Variants in GRIK1 observed in about 807,000 individuals in gnomAD.
GRIK1 encodes glutamate receptor ionotropic, kainate 1.
In GRIK1, 69 loss-of-function variants were observed where a neutral mutation model predicts 105.7. That is an observed-to-expected ratio of 0.65 (90% CI 0.54 to 0.80). The LOEUF (loss-of-function observed/expected upper bound fraction) is 0.80, where lower values mean the gene tolerates loss of function less well. GRIK1 is among the 30% of genes least tolerant of loss of function. The pLI, the probability that GRIK1 is intolerant of heterozygous loss-of-function variation, is 0.00. For missense variants in GRIK1, 1,109 were observed against 1,167.3 expected, an observed-to-expected ratio of 0.95 and a Z score of 0.73; for synonymous variants, 438 against 431.3, an observed-to-expected ratio of 1.02 and a Z score of -0.19.
intron 1 of GRIK1, among the ~76,000 whole-genome samples, chr21:29,914,241 C>A (rs1263049119): frequency 6.6e-6 from 1 of 152,046 alleles, no homozygotes; most frequent in African/African-American, 2.4e-5. Context: ...AAATCATTGC[C>A]AGTAGAGAAC....
chr21:29,588,801 T>A (rs1284705190), intron 11 of GRIK1, 38 bp downstream of exon 11: 1 of 1,058,574 alleles, frequency 9.4e-7, no homozygotes, highest in Middle Eastern at 2.0e-4. Flanking sequence ...CTTTCTCTTA[T>A]GCATATTTTC....
At chr21:29,797,961 T>C (rs1327543009) in intron 1 of GRIK1, among the ~76,000 whole-genome samples, 1 of 152,202 alleles carries the variant, frequency 6.6e-6, no homozygotes, top group Non-Finnish European at 1.5e-5. Flanking sequence ...AAAGTCTGTT[T>C]TTCAGTTTGT....
At chr21:29,912,731 G>T (rs1288887337) in intron 1 of GRIK1, among the ~76,000 whole-genome samples, 4 of 152,016 alleles carry the variant, frequency 2.6e-5, no homozygotes, top group African/African-American at 4.8e-5. Context: ...GGGTATATTT[G>T]TTCCAGGGGT....
intron 7 of GRIK1, among the ~76,000 whole-genome samples, chr21:29,612,244 C>G (rs2061745480): frequency 6.6e-6 from 1 of 152,168 alleles, no homozygotes; most frequent in Non-Finnish European, 1.5e-5. Flanking sequence ...TGAAACACCT[C>G]TAATCTTCTT....
chr21:29,560,519 C>CTTT lies in GRIK1; in HGVS notation c.2356+1104_2356+1105insAAA, dbSNP rs1568815488. Reference sequence around the variant, plus strand: ...TCTTTCCTTCCTTCCTTCCTTCCTTCCTTTCTTTCTTTCTTTCTTTCTTTC... The same window carrying CTTT: ...TCTTTCCTTCCTTCCTTCCTTCCTTCTTTCTTTCTTTCTTTCTTTCTTTCTTTC... On this transcript the variant is annotated intron_variant, in intron 15 of 17. Coordinates refer to ENST00000327783, the MANE Select transcript of GRIK1 (RefSeq NM_001330994.2). Among the ~76,000 whole-genome samples the CTTT allele has an allele frequency of 9.7e-3, 559 of 57,788 alleles. 63 individuals are homozygous for CTTT. The highest frequency in any genetic ancestry group is 0.012 in the Non-Finnish European group (393 of 32,856). The allele number at this position is 57,788 out of a possible 152,430, so 37.9% of individuals were successfully genotyped here. A position where few individuals can be genotyped will look rare whatever the true frequency, so the allele number is the denominator to read the frequency against.
chr21:29,915,299 G>T (rs1401826329), intron 1 of GRIK1, among the ~76,000 whole-genome samples: 1 of 151,938 alleles, frequency 6.6e-6, no homozygotes, highest in Non-Finnish European at 1.5e-5. Flanking sequence ...ACTTGATCTG[G>T]CATATCCAAC....
intron 1 of GRIK1, among the ~76,000 whole-genome samples, chr21:29,913,751 A>G (rs2070899990): frequency 2.0e-5 from 3 of 151,506 alleles, no homozygotes; most frequent in African/African-American, 7.3e-5. Flanking sequence ...ATCAGAAGTG[A>G]TTAAATCTTA....
chr21:29,693,830 A>T, intron 2 of GRIK1, 66 bp downstream of exon 2: 1 of 1,230,142 alleles, frequency 8.1e-7, no homozygotes, highest in Non-Finnish European at 1.2e-6. Flanking sequence ...CAGGTAGCAA[A>T]AAGAAGGTGA....
chr21:29,885,310 T>G (rs2069571750), intron 1 of GRIK1, among the ~76,000 whole-genome samples: 1 of 152,110 alleles, frequency 6.6e-6, no homozygotes, highest in South Asian at 2.1e-4. Flanking sequence ...GGTTTTTAAC[T>G]AAATATAGGC....
At chr21:29,925,420 A>T (rs80287815) in intron 1 of GRIK1, among the ~76,000 whole-genome samples, 1 of 152,188 alleles carries the variant, frequency 6.6e-6, no homozygotes, top group South Asian at 2.1e-4. Context: ...ATTTTATCAG[A>T]TTATAATATA....
At chr21:29,901,375 G>T (rs1044470011) in intron 1 of GRIK1, among the ~76,000 whole-genome samples, 9 of 151,996 alleles carry the variant, frequency 5.9e-5, no homozygotes, top group African/African-American at 2.2e-4. Context: ...TTTTTGAAAA[G>T]ATCAACAAAA....
intron 1 of GRIK1, chr21:29,764,100 C>G (rs1569064681): frequency 6.6e-6 from 1 of 152,174 alleles, no homozygotes; most frequent in Non-Finnish European, 1.5e-5. Context: ...CATGGAACTG[C>G]TGGGAGCTCA....
chr21:29,569,557 T>C (rs2146207541), intron 14 of GRIK1, among the ~76,000 whole-genome samples: 1 of 152,346 alleles, frequency 6.6e-6, no homozygotes, highest in African/African-American at 2.4e-5. Flanking sequence ...TCATATTTCT[T>C]GAGAAGAAGA....
chr21:29,898,557 T>C (rs455477), intron 1 of GRIK1, among the ~76,000 whole-genome samples: 33,462 of 151,882 alleles, frequency 0.22, 4,157 homozygotes, highest in African/African-American at 0.34. Flanking sequence ...TGGAAAAAGA[T>C]CTCCCCGTTG....
intron 16 of GRIK1, chr21:29,553,123 T>A (rs2090163745): frequency 3.2e-6 from 2 of 615,772 alleles, no homozygotes; most frequent in South Asian, 7.1e-5. Flanking sequence ...AATACGCAGA[T>A]CTACACAATA....
intron 1 of GRIK1, among the ~76,000 whole-genome samples, chr21:29,897,663 G>A (rs2070221771): frequency 6.6e-6 from 1 of 152,214 alleles, no homozygotes; most frequent in Non-Finnish European, 1.5e-5. Context: ...AGGACTTGGA[G>A]TGAATTAATG....
In GRIK1 at chr21:29,888,184, C is replaced by CTTT. The variant is rs1301166060; in HGVS notation, c.118+51198_118+51199insAAA. On this transcript the variant is annotated intron_variant, in intron 1 of 17. Transcript: ENST00000327783. ...TTTTTTCTTTCTTTCTTTCTTTCTT[C>CTTT]CTTTCTTTCTTTCTCTCTCTCTCTC... is the stretch of plus-strand genomic sequence containing the variant. Among the ~76,000 whole-genome samples the CTTT allele has an allele frequency of 4.3e-4, 28 of 64,832 alleles. 7 individuals are homozygous for CTTT. Among genetic ancestry groups the CTTT allele is most frequent in the African/African-American group, 1.7e-3 (17 of 10,248 alleles). The allele number at this position is 64,832 out of a possible 152,430, so 42.5% of individuals were successfully genotyped here.
At chr21:29,862,814 A>G (rs1021516945) in intron 1 of GRIK1, among the ~76,000 whole-genome samples, 7 of 152,206 alleles carry the variant, frequency 4.6e-5, no homozygotes, top group African/African-American at 1.7e-4. Flanking sequence ...GACTATTTAT[A>G]TTTATGTTAC....
intron 4 of GRIK1, among the ~76,000 whole-genome samples, chr21:29,661,483 G>C (rs559761214): frequency 1.3e-5 from 2 of 152,308 alleles, no homozygotes; most frequent in South Asian, 2.1e-4. Context: ...AATAGAAGGA[G>C]AGAGAAAGAT....
Sources: gnomAD v4.1 joint callset for allele counts (sites outside exome capture counted in the v4.1 genomes callset) on GRCh38, gnomAD v4.1.1 for gene constraint, MANE v1.5 for transcripts, NCBI Gene and HGNC (gene_info 2026-07-23, HGNC 2026-07-21) for gene names.